TMEM132B: variants seen among roughly 807,000 people sequenced by gnomAD.
TMEM132B encodes the protein transmembrane protein 132B.
TMEM132B carries 18 observed loss-of-function variants against 90.8 expected under a neutral mutation model. That is an observed-to-expected ratio of 0.20 (90% confidence interval 0.14 to 0.29). The LOEUF (loss-of-function observed/expected upper bound fraction) is 0.29, where lower values mean the gene tolerates loss of function less well. Among genes scored for constraint, TMEM132B ranks in the 10% least tolerant of loss-of-function variants. The pLI is 1.00. For synonymous variants in TMEM132B, 504 were observed against 523.3 expected (o/e 0.96, Z 0.50); for missense variants, 1,096 against 1,326.8 (o/e 0.83, Z 2.70).
At chr12:125,428,071 C>T (rs1400923238) in intron 3 of TMEM132B, among the ~76,000 whole-genome samples, 2 of 151,876 alleles carry the variant, frequency 1.3e-5, no homozygotes, top group African/African-American at 4.8e-5. Context: ...GACCATGGCT[C>T]ACTGAGTTTC....
At chr12:125,279,297 C>T (rs1366878659) in intron 1 of TMEM132B, among the ~76,000 whole-genome samples, 1 of 152,156 alleles carries the variant, frequency 6.6e-6, no homozygotes, top group Non-Finnish European at 1.5e-5. Flanking sequence ...GACTGTTATC[C>T]CTAGAAAGGC....
chr12:125,293,656 C>A (rs1005863609), intron 1 of TMEM132B, among the ~76,000 whole-genome samples: 1 of 152,224 alleles, frequency 6.6e-6, no homozygotes, highest in Non-Finnish European at 1.5e-5. Context: ...ATGTAATATT[C>A]CATGGTGTAT....
At chr12:125,275,991 G>A (rs985992127) in intron 1 of TMEM132B, among the ~76,000 whole-genome samples, 1 of 152,124 alleles carries the variant, frequency 6.6e-6, no homozygotes, top group Non-Finnish European at 1.5e-5. Flanking sequence ...TGGGATTAAA[G>A]GTGTGAGCCA....
intron 4 of TMEM132B, among the ~76,000 whole-genome samples, chr12:125,535,564 T>C (rs1883774130): frequency 6.6e-6 from 1 of 152,166 alleles, no homozygotes; most frequent in Admixed American, 6.5e-5. Flanking sequence ...ATTTTTTTAA[T>C]GAAGGAGGAA....
intron 5 of TMEM132B, among the ~76,000 whole-genome samples, chr12:125,603,727 T>C (rs1402668001): frequency 6.6e-6 from 1 of 152,170 alleles, no homozygotes; most frequent in Non-Finnish European, 1.5e-5. Context: ...ATATCCAGAA[T>C]CTTCAGAACT....
At chr12:125,475,724 G>C (rs774609070) in intron 3 of TMEM132B, among the ~76,000 whole-genome samples, 31 of 152,122 alleles carry the variant, frequency 2.0e-4, no homozygotes, top group Non-Finnish European at 3.7e-4. Flanking sequence ...GTGATCATGT[G>C]AGTTAATACT....
intron 3 of TMEM132B, among the ~76,000 whole-genome samples, chr12:125,470,541 C>T (rs924138876): frequency 2.6e-5 from 4 of 152,148 alleles, no homozygotes; most frequent in East Asian, 1.9e-4. Flanking sequence ...TTTGTTTAAC[C>T]GAGGCTTTCC....
At chr12:125,504,197 C>T (rs1882770708) in intron 3 of TMEM132B, among the ~76,000 whole-genome samples, 1 of 152,168 alleles carries the variant, frequency 6.6e-6, no homozygotes, top group Non-Finnish European at 1.5e-5. Flanking sequence ...GAAAATCTGC[C>T]AGGTGAGTGG....
chr12:125,463,678 G>A (rs74963638), intron 3 of TMEM132B, among the ~76,000 whole-genome samples: 25 of 152,090 alleles, frequency 1.6e-4, no homozygotes, highest in African/African-American at 6.0e-4. Flanking sequence ...CTCATTGCTG[G>A]GAGGAATAGA....
At chr12:125,334,479 G>A (rs1404553789) in intron 1 of TMEM132B, among the ~76,000 whole-genome samples, 1 of 152,210 alleles carries the variant, frequency 6.6e-6, no homozygotes, top group African/African-American at 2.4e-5. Flanking sequence ...AGGAATACAG[G>A]AAGTAACAGG....
intron 1 of TMEM132B, among the ~76,000 whole-genome samples, chr12:125,341,910 C>A (rs760085033): frequency 4.6e-5 from 7 of 152,150 alleles, no homozygotes; most frequent in Non-Finnish European, 1.0e-4. Context: ...CCCCTGAATC[C>A]CATGATCCCA....
intron 2 of TMEM132B, among the ~76,000 whole-genome samples, chr12:125,383,252 G>A (rs1156763549): frequency 6.6e-6 from 1 of 152,200 alleles, no homozygotes; most frequent in East Asian, 1.9e-4. Flanking sequence ...AGTCATCTCT[G>A]AAGCTGGAGT....
At chr12:125,648,535 T>G (rs1487104828) in intron 6 of TMEM132B, among the ~76,000 whole-genome samples, 1 of 151,614 alleles carries the variant, frequency 6.6e-6, no homozygotes, top group African/African-American at 2.4e-5. Context: ...CTCCTGTTTT[T>G]TTTTTTTTTT....
chr12:125,291,741 A>T (rs7957625), intron 1 of TMEM132B, among the ~76,000 whole-genome samples: 7,643 of 152,190 alleles, frequency 0.05, 581 homozygotes, highest in African/African-American at 0.17. Context: ...ACCTATGGGA[A>T]CCATGAGACA....
intron 3 of TMEM132B, among the ~76,000 whole-genome samples, chr12:125,518,429 A>G (rs1883223095): frequency 6.6e-6 from 1 of 152,174 alleles, no homozygotes; most frequent in South Asian, 2.1e-4. Flanking sequence ...TCATTGGCAG[A>G]GAAGGAGCTG....
At chr12:125,340,337 G>C (rs1877138930) in intron 1 of TMEM132B, among the ~76,000 whole-genome samples, 1 of 152,126 alleles carries the variant, frequency 6.6e-6, no homozygotes, top group Non-Finnish European at 1.5e-5. Flanking sequence ...TTCAGTGCGT[G>C]CTAATTTTCA....
At chr12:125,413,591 G>A (rs749861773) in intron 2 of TMEM132B, among the ~76,000 whole-genome samples, 10 of 152,180 alleles carry the variant, frequency 6.6e-5, no homozygotes, top group African/African-American at 2.4e-4. Context: ...GAATGCAGTC[G>A]TATACTATGT....
At chr12:125,450,761 G>C (rs530400901) in intron 3 of TMEM132B, among the ~76,000 whole-genome samples, 2 of 152,116 alleles carry the variant, frequency 1.3e-5, no homozygotes, top group Non-Finnish European at 2.9e-5. Flanking sequence ...GTAATTTTAC[G>C]TTGGTGAAAC....
Position 125,415,228 on chromosome 12 carries a change from C to T in TMEM132B, c.960-303C>T, listed in dbSNP as rs1160804048. Among the ~76,000 whole-genome samples the T allele has an allele frequency of 2.6e-5, 4 of 152,212 alleles. No individual in the cohort carries two copies. The East Asian group carries it at 7.7e-4, about 29-fold the overall frequency. On this transcript the variant is annotated intron_variant, in intron 2 of 8. Coordinates refer to ENST00000682704, the MANE Select transcript of TMEM132B (RefSeq NM_001366854.1). The surrounding 1 kb of genome is among the most constrained non-coding windows in gnomAD (Gnocchi z 5.3). ...CTCTTCTGGCCCGAGGCATCTGTCT[C>T]ATTTGCATCATGCTGGGATCCCTGG...
Sources: gnomAD v4.1 joint callset for allele counts (sites outside exome capture counted in the v4.1 genomes callset) on GRCh38, gnomAD v4.1.1 for gene constraint, Gnocchi (gnomAD v3.1) non-coding constraint, MANE v1.5 for transcripts, NCBI Gene and HGNC (gene_info 2026-07-23, HGNC 2026-07-21) for gene names.